Variants in MORN1 observed in about 807,000 individuals in gnomAD.
MORN1 encodes MORN repeat containing 1, also known as MORN repeat-containing protein 1.
Under a neutral mutation model 61.9 loss-of-function variants are expected in MORN1, and 67 were observed. The ratio of observed to expected loss-of-function variants is 1.08; its 90% CI spans 0.89 to 1.33. MORN1 has a LOEUF of 1.33. MORN1 is among the 40% of genes most tolerant of loss of function. The pLI, the probability that MORN1 is intolerant of heterozygous loss-of-function variation, is 0.00. For missense variants in MORN1, 752 were observed against 691.2 expected, an observed-to-expected ratio of 1.09 and a Z score of -0.99; for synonymous variants, 301 against 292.0, an observed-to-expected ratio of 1.03 and a Z score of -0.31.
chr1:2,379,431 C>T (rs998801881), intron 6 of MORN1, among the ~76,000 whole-genome samples: 6 of 152,178 alleles, frequency 3.9e-5, no homozygotes, highest in Admixed American at 1.3e-4. Context: ...AAGGTCCCAG[C>T]GCCTACCTCG....
chr1:2,323,116 C>A, intron 13 of MORN1: 1 of 985,458 alleles, frequency 1.0e-6, no homozygotes, highest in Non-Finnish European at 1.2e-6. Context: ...GCAGAGATGT[C>A]CCCGCCCCCT....
At chr1:2,388,884 G>A (rs1352252611) in intron 2 of MORN1, among the ~76,000 whole-genome samples, 6 of 151,928 alleles carry the variant, frequency 3.9e-5, no homozygotes, top group Non-Finnish European at 8.8e-5. Flanking sequence ...GGTTGAGGTG[G>A]GCAGATCACC....
At chr1:2,351,933 G>T (rs1001024068) in intron 10 of MORN1, 21 of 516,514 alleles carry the variant, frequency 4.1e-5, no homozygotes, top group Non-Finnish European at 7.2e-5. Flanking sequence ...GCCACCCACG[G>T]GCCCACCAAT....
intron 10 of MORN1, among the ~76,000 whole-genome samples, chr1:2,348,284 G>A (rs1641558483): frequency 6.6e-6 from 1 of 152,218 alleles, no homozygotes; most frequent in Non-Finnish European, 1.5e-5. Flanking sequence ...GAGAGGCATG[G>A]ATGCGACGCT....
chr1:2,328,587 C>T (rs72642152), intron 12 of MORN1, among the ~76,000 whole-genome samples: 14,274 of 152,252 alleles, frequency 0.094, 949 homozygotes, highest in East Asian at 0.37. Flanking sequence ...GCAGGAGGCA[C>T]GCCCTGCGGC....
chr1:2,379,189 C>T (rs879143906), intron 6 of MORN1: 8 of 470,506 alleles, frequency 1.7e-5, no homozygotes, highest in South Asian at 9.3e-5. Context: ...CAGCCGATGT[C>T]TCCTTGAGTT....
Position 2,352,016 on chromosome 1 carries a change from T to TAG in MORN1, c.1036+5414_1036+5415dup, listed in dbSNP as rs559934178. On this transcript the variant is annotated intron_variant, in intron 10 of 13. Coordinates refer to ENST00000378531, the MANE Select transcript of MORN1 (RefSeq NM_024848.3). ...GAATGAGACCCCCTCCACCAGGAAT[T>TAG]AGAGGTCCACCTCCCCTAGGAATGA... 1.4e-3 allele frequency: 747 copies of TAG among 536,330 alleles called. 1 individual carries two copies. Among genetic ancestry groups the TAG allele is most frequent in the Non-Finnish European group, 2.2e-3 (621 of 280,424 alleles). The allele number at this position is 536,330 out of a possible 1,614,324, so 33.2% of individuals were successfully genotyped here.
intron 13 of MORN1, chr1:2,323,752 G>C: frequency 4.1e-6 from 4 of 985,364 alleles, no homozygotes; most frequent in Non-Finnish European, 4.8e-6. Flanking sequence ...TTCAGCCACT[G>C]TGGGCCTTGA....
At chr1:2,336,622 C>T (rs1641285390) in intron 11 of MORN1, 74 bp from the exon 12 acceptor site, 1 of 1,591,640 alleles carries the variant, frequency 6.3e-7, no homozygotes, top group East Asian at 2.3e-5. Context: ...CTCCAACCCC[C>T]CTGGGGCACA....
At chr1:2,365,708 C>A (rs1641983182) in intron 8 of MORN1, among the ~76,000 whole-genome samples, 1 of 151,950 alleles carries the variant, frequency 6.6e-6, no homozygotes, top group African/African-American at 2.4e-5. Context: ...CATAGGCAGC[C>A]AAAAAACACA....
In MORN1 at chr1:2,357,881, C is replaced by T. The variant is rs1360974234; in HGVS notation, c.870-283G>A. Among the ~76,000 whole-genome samples, 2 of 152,186 alleles carry T rather than the reference C, an allele frequency of 1.3e-5. No individual in the cohort carries two copies. Among genetic ancestry groups the T allele is most frequent in the Admixed American group, 6.5e-5 (1 of 15,284 alleles). On this transcript the variant is annotated intron_variant, in intron 9 of 13. Coordinates refer to ENST00000378531, the MANE Select transcript of MORN1 (RefSeq NM_024848.3). The surrounding 1 kb of genome is among the most constrained non-coding windows in gnomAD (Gnocchi z 6.3). ...CTCCAGCAGCGTCACCTCTCGGGTG[C>T]GTTCTGACTTCACAGTGGGTCCAAG...
chr1:2,354,222 G>A (rs908539539), intron 10 of MORN1, among the ~76,000 whole-genome samples: 3 of 152,172 alleles, frequency 2.0e-5, no homozygotes, highest in African/African-American at 7.2e-5. Context: ...GGACCCTGCC[G>A]ACCGTGCTCT....
At position 2,334,196 on chromosome 1, in the gene MORN1, C is replaced by T. The variant is rs1013144626; in HGVS notation, c.1250+2273G>A. Among the ~76,000 whole-genome samples, 15 of 151,578 alleles carry T rather than the reference C, an allele frequency of 9.9e-5. No homozygotes were observed. Among genetic ancestry groups the T allele is most frequent in the African/African-American group, 1.9e-4 (8 of 41,256 alleles). On this transcript the variant is annotated intron_variant, in intron 12 of 13. Transcript: ENST00000378531. This position sits in a 1 kb window ranked among gnomAD's most constrained non-coding sequence, Gnocchi z 5.4. ...GAGGTCCTGGAAGAGGTCGTGAGGT[C>T]GACGCCCCGGTCAGCCACAGTTGAG...
At chr1:2,384,217 G>A (rs1642435412) in intron 6 of MORN1, among the ~76,000 whole-genome samples, 1 of 152,132 alleles carries the variant, frequency 6.6e-6, no homozygotes, top group Admixed American at 6.5e-5. Flanking sequence ...TCCATCCAAT[G>A]CTCAGACCGA....
rs764700581 is a variant in MORN1, at chr1:2,321,393, G to A, written c.1484C>T (p.Ala495Val). The A allele has an allele frequency of 2.0e-6, 3 of 1,525,310 alleles. No individual in the cohort carries two copies. Among genetic ancestry groups the A allele is most frequent in the Admixed American group, 2.2e-5 (1 of 46,266 alleles). 94.5% of individuals were successfully genotyped at this position (1,525,310 alleles called of 1,614,324 possible). Residue 495 changes from alanine (A) to valine (V), a missense_variant, in exon 14 of 14, where the codon GCG becomes GTG. Coordinates refer to ENST00000378531, the MANE Select transcript of MORN1 (RefSeq NM_024848.3). ...TGTGGACACGGGGCCTCACCGAGGC[G>A]CTGGCGGCTCTGGGGTGCAGCTGTG... ...AAHSCTPEPP[A>V]PR
At chr1:2,336,397 C>T (rs1021725583) in intron 12 of MORN1, 72 bp downstream of exon 12, 20 of 1,493,596 alleles carry the variant, frequency 1.3e-5, no homozygotes, top group Middle Eastern at 4.8e-4. Flanking sequence ...CTTCCCCGTC[C>T]TCCTGGCCCA....
rs1641547971 is a variant in MORN1, at chr1:2,347,784, T to C, written c.1036+9648A>G. Among the ~76,000 whole-genome samples the C allele has an allele frequency of 2.0e-5, 3 of 152,176 alleles. No individual in the cohort carries two copies. In the South Asian group the frequency reaches 6.2e-4, roughly 32 times the overall value. On this transcript the variant is annotated intron_variant, in intron 10 of 13. Coordinates refer to ENST00000378531, the MANE Select transcript of MORN1 (RefSeq NM_024848.3). ...GCCCCCGCTGCCCCCGTCACCCCCC[T>C]GCCACCCTGCGTGCCGGGTGCACAG...
intron 12 of MORN1, among the ~76,000 whole-genome samples, chr1:2,333,948 C>T (rs550384356): frequency 6.6e-6 from 1 of 152,270 alleles, no homozygotes; most frequent in African/African-American, 2.4e-5. Context: ...GCTCTTTGGG[C>T]CCAGAGCCAG....
intron 12 of MORN1, among the ~76,000 whole-genome samples, chr1:2,327,133 G>GAAAC (rs1641044509): frequency 2.5e-5 from 3 of 119,788 alleles, no homozygotes; most frequent in African/African-American, 1.2e-4. Flanking sequence ...AACAAACACA[G>GAAAC]AAACACAGAG....
Sources: gnomAD v4.1 joint callset for allele counts (sites outside exome capture counted in the v4.1 genomes callset) on GRCh38, gnomAD v4.1.1 for gene constraint, Gnocchi (gnomAD v3.1) non-coding constraint, MANE v1.5 for transcripts, NCBI Gene and HGNC (gene_info 2026-07-23, HGNC 2026-07-21) for gene names.